Variants in TTLL9 observed in about 807,000 individuals in gnomAD.
TTLL9 encodes probable tubulin polyglutamylase TTLL9.
In TTLL9, 47 loss-of-function variants were observed where a neutral mutation model predicts 65.6. The ratio of observed to expected loss-of-function variants is 0.72; its 90% CI spans 0.57 to 0.91. TTLL9 has a LOEUF of 0.91. TTLL9 is among the 40% of genes least tolerant of loss of function. TTLL9 has a pLI of 0.00. For missense variants in TTLL9, 537 were observed against 568.8 expected, an observed-to-expected ratio of 0.94 and a Z score of 0.57; for synonymous variants, 179 against 204.8, an observed-to-expected ratio of 0.87 and a Z score of 1.07.
intron 6 of TTLL9, among the ~76,000 whole-genome samples, chr20:31,911,088 T>C (rs2063638518): frequency 1.3e-5 from 2 of 151,860 alleles, no homozygotes. Context: ...GGCAGGAGAA[T>C]TGCTTGAATC....
chr20:31,941,259 C>T (rs2064203903), intron 14 of TTLL9: 1 of 151,744 alleles, frequency 6.6e-6, no homozygotes, highest in African/African-American at 2.4e-5. Context: ...ATAGACCCCA[C>T]CTTTTGATGA....
At chr20:31,879,685 G>T (rs1187351290) in intron 2 of TTLL9, 3 of 775,922 alleles carry the variant, frequency 3.9e-6, no homozygotes, top group Non-Finnish European at 6.0e-6. Flanking sequence ...GAAGTCGGGG[G>T]ACCTAGGCTG....
intron 3 of TTLL9, among the ~76,000 whole-genome samples, chr20:31,896,689 C>G (rs2063393632): frequency 6.6e-6 from 1 of 152,014 alleles, no homozygotes; most frequent in South Asian, 2.1e-4. Context: ...ACCACCACGC[C>G]TGACTAATTT....
At chr20:31,922,636 T>C (rs1052634555) in intron 7 of TTLL9, among the ~76,000 whole-genome samples, 2 of 152,260 alleles carry the variant, frequency 1.3e-5, no homozygotes, top group Middle Eastern at 3.2e-3. Context: ...TTACTTTTCA[T>C]CAAGGTAAAT....
chr20:31,909,908 T>C lies in TTLL9; in HGVS notation c.490T>C (p.Trp164Arg). 6.3e-7 allele frequency: 1 copy of C among 1,595,530 alleles called. No homozygotes were observed. The highest frequency in any genetic ancestry group is 8.6e-7 in the Non-Finnish European group (1 of 1,169,212). Residue 164 changes from tryptophan (W) to arginine (R), a missense_variant, in exon 6 of 15, where the codon TGG (tryptophan) becomes CGG (arginine). By Grantham distance (101) the Trp-to-Arg change is moderately radical (BLOSUM62 -3). Coordinates refer to ENST00000535842, the MANE Select transcript of TTLL9 (RefSeq NM_001008409.5). The stretch of plus-strand genomic sequence containing the variant: ...GTTTCGCAAAAACCCAGGAATCACC[T>C]GGATCATGAAGCCTGTGAGTGCCCA... Reference protein sequence around the residue: ...EEFRKNPGITWIMKPVARSQG... With the variant: ...EEFRKNPGITRIMKPVARSQG...
At chr20:31,933,418 TA>T (rs113180138) in intron 10 of TTLL9, among the ~76,000 whole-genome samples, 6,865 of 144,388 alleles carry the variant, frequency 0.048, 244 homozygotes, top group Admixed American at 0.1. Context: ...CCTCTTGAAT[TA>T]AAAAAAAAAA....
intron 2 of TTLL9, among the ~76,000 whole-genome samples, chr20:31,886,741 C>T (rs2063193510): frequency 6.6e-6 from 1 of 152,126 alleles, no homozygotes; most frequent in African/African-American, 2.4e-5. Context: ...ATCACTTGAA[C>T]CTGGGAGGTG....
At chr20:31,924,814 C>T (rs1036143786) in intron 8 of TTLL9, among the ~76,000 whole-genome samples, 195 bp from the exon 9 acceptor site, 12 of 152,116 alleles carry the variant, frequency 7.9e-5, no homozygotes, top group African/African-American at 7.2e-5. Flanking sequence ...TGGCCTCAAG[C>T]GATCCTCCTG....
chr20:31,885,891 G>A (rs1429493244), intron 2 of TTLL9, among the ~76,000 whole-genome samples: 13 of 152,246 alleles, frequency 8.5e-5, no homozygotes, highest in Admixed American at 7.2e-4. Flanking sequence ...TGCTCCATGT[G>A]GCCTGGAGGA....
intron 3 of TTLL9, among the ~76,000 whole-genome samples, chr20:31,897,435 G>A (rs904806779): frequency 6.6e-6 from 1 of 152,158 alleles, no homozygotes; most frequent in Non-Finnish European, 1.5e-5. Context: ...CTGACAAATA[G>A]GTTTGTAGAT....
intron 4 of TTLL9, among the ~76,000 whole-genome samples, chr20:31,899,961 T>G (rs1289471639): frequency 6.6e-6 from 1 of 152,050 alleles, no homozygotes; most frequent in African/African-American, 2.4e-5. Context: ...GAGATTTCAC[T>G]GTGTTAGCCA....
intron 12 of TTLL9, among the ~76,000 whole-genome samples, chr20:31,935,235 A>G (rs2064090647): frequency 1.3e-5 from 2 of 152,298 alleles, no homozygotes; most frequent in South Asian, 4.1e-4. Context: ...TGAAGATGCA[A>G]AGAGCCATAT....
chr20:31,923,047 A>T lies in TTLL9; in HGVS notation c.658A>T (p.Ile220Leu), dbSNP rs750833283. ...AQRYIENPYL[I>L]GGRKFDLRVY... ...GCGTTACATTGAAAATCCTTACCTG[A>T]TAGGAGGTGAGATGGCTGTGTCTGC... The change falls in exon 8 of 15, where the codon ATA becomes TTA. Residue 220 changes from isoleucine to leucine, a missense_variant. Coordinates refer to ENST00000535842, the MANE Select transcript of TTLL9 (RefSeq NM_001008409.5). 5.6e-6 allele frequency: 9 copies of T among 1,612,128 alleles called. No homozygotes were observed. The highest frequency in any genetic ancestry group is 7.6e-6 in the Non-Finnish European group (9 of 1,178,352).
rs1555799713 is a variant in TTLL9 at position 31,873,684 on chromosome 20, G to GAAAGAAAGAAAGAA, written c.69+2490_69+2491insAAGAAAGAAAGAAA. On this transcript the variant is annotated intron_variant, in intron 2 of 14. Transcript: ENST00000535842. ...CAAAAGAAAGAAAGAAAGAGAGAGA[G>GAAAGAAAGAAAGAA]AGAAAGAAAGAAAGAAAGAAAGAAA... is the stretch of plus-strand genomic sequence containing the variant. 1.1e-4 allele frequency among the ~76,000 whole-genome samples: 11 copies of GAAAGAAAGAAAGAA among 100,582 alleles called. No homozygotes were observed. In the East Asian group the frequency reaches 3.0e-3, roughly 27 times the overall value. 66.0% of individuals were successfully genotyped at this position (100,582 alleles called of 152,430 possible).
Position 31,939,246 on chromosome 20 carries a change from T to C in TTLL9, c.1223T>C (p.Phe408Ser), listed in dbSNP as rs767541529. 1.9e-6 allele frequency: 3 copies of C among 1,613,390 alleles called. No individual in the cohort carries two copies. Among genetic ancestry groups the C allele is most frequent in the African/African-American group, 1.3e-5 (1 of 74,782 alleles). The change falls in exon 14 of 15, where the codon TTT (phenylalanine) becomes TCT (serine). Residue 408 changes from phenylalanine (F) to serine (S), a missense_variant. By Grantham distance (155) the Phe-to-Ser change is radical (BLOSUM62 -2). Around this residue, in one of 3 missense-constraint regions of TTLL9, gnomAD observed 205 missense variants for 225.9 expected, o/e 0.91. Transcript: ENST00000535842. ...CCTGACCTGTCGGGAATGGGAAACT[T>C]TGTGACCAACACACATCTCGGTATG... ...GAPDLSGMGN[F>S]VTNTHLGCVN...
intron 2 of TTLL9, among the ~76,000 whole-genome samples, chr20:31,872,424 C>T (rs994761738): frequency 1.3e-5 from 2 of 151,938 alleles, no homozygotes; most frequent in Admixed American, 1.3e-4. Context: ...GGTCTGTAAT[C>T]CCAGAACTTT....
rs528679299 is a variant in TTLL9 at position 31,899,633 on chromosome 20, C to CA, written c.206+1079dup. On this transcript the variant is annotated intron_variant, in intron 4 of 14. Coordinates refer to ENST00000535842, the MANE Select transcript of TTLL9 (RefSeq NM_001008409.5). ...TGGGTGACAGAGCGAGACCCTGACTCAAAAAAAAAAAGAGAGAGAGAGAAA... is the reference window on the plus strand; with the variant it reads ...TGGGTGACAGAGCGAGACCCTGACTCAAAAAAAAAAAAGAGAGAGAGAGAAA... Among the ~76,000 whole-genome samples the CA allele has an allele frequency of 3.8e-3, 529 of 137,646 alleles. 4 individuals carry two copies. In the South Asian group the frequency reaches 0.049, roughly 13 times the overall value. The allele number at this position is 137,646 out of a possible 152,430, so 90.3% of individuals were successfully genotyped here.
At chr20:31,915,819 C>A (rs1373060206) in intron 6 of TTLL9, among the ~76,000 whole-genome samples, 1 of 152,020 alleles carries the variant, frequency 6.6e-6, no homozygotes, top group African/African-American at 2.4e-5. Context: ...AGAGTAAACA[C>A]CTGGTAAGTA....
chr20:31,873,821 G>GAAGAAAGAAAGAAAGAAAGAAA lies in TTLL9; in HGVS notation c.69+2627_69+2648dup, dbSNP rs1180221403. Among the ~76,000 whole-genome samples, 568 of 96,072 alleles carry GAAGAAAGAAAGAAAGAAAGAAA rather than the reference G, an allele frequency of 5.9e-3. 7 individuals carry two copies. The highest frequency in any genetic ancestry group is 0.02 in the African/African-American group (509 of 24,854). The allele number at this position is 96,072 out of a possible 152,430, so 63.0% of individuals were successfully genotyped here. On this transcript the variant is annotated intron_variant, in intron 2 of 14. Transcript: ENST00000535842. ...GGAAGGAAGGAAGGAAGGAAGGAAG[G>GAAGAAAGAAAGAAAGAAAGAAA]AAGAAAGAAAGAAAGAAAGAAAGAA...
Sources: gnomAD v4.1 joint callset for allele counts (sites outside exome capture counted in the v4.1 genomes callset) on GRCh38, gnomAD v4.1.1 for gene constraint, gnomAD v4.1.1 regional missense constraint, MANE v1.5 for transcripts, NCBI Gene and HGNC (gene_info 2026-07-23, HGNC 2026-07-21) for gene names.